Variants in MYO5B observed in about 807,000 individuals in gnomAD.
MYO5B encodes unconventional myosin-Vb.
Under a neutral mutation model 229.3 loss-of-function variants are expected in MYO5B, and 143 were observed. The ratio of observed to expected loss-of-function variants is 0.62; its 90% CI spans 0.54 to 0.72. MYO5B has a LOEUF of 0.72. MYO5B is among the 30% of genes least tolerant of loss of function. The pLI, the probability that MYO5B is intolerant of heterozygous loss-of-function variation, is 0.00. For synonymous variants in MYO5B, 918 were observed against 885.2 expected, an observed-to-expected ratio of 1.04 and a Z score of -0.66; for missense variants, 2,321 against 2,331.0, an observed-to-expected ratio of 1.00 and a Z score of 0.09.
intron 14 of MYO5B, among the ~76,000 whole-genome samples, chr18:49,940,332 G>A (rs1163643043): frequency 6.6e-6 from 1 of 152,168 alleles, no homozygotes; most frequent in Non-Finnish European, 1.5e-5. Flanking sequence ...ACATTACAGT[G>A]TCCAGACAGA....
At chr18:50,053,033 G>A (rs1203505592) in intron 2 of MYO5B, among the ~76,000 whole-genome samples, 1 of 152,194 alleles carries the variant, frequency 6.6e-6, no homozygotes, top group Non-Finnish European at 1.5e-5. Context: ...TTTCCAGCCA[G>A]CATAGTACAC....
intron 33 of MYO5B, among the ~76,000 whole-genome samples, chr18:49,846,277 T>C (rs2024124830): frequency 6.6e-6 from 1 of 152,210 alleles, no homozygotes; most frequent in African/African-American, 2.4e-5. Flanking sequence ...TCTTGTTATG[T>C]GCCTTGCAAT....
chr18:50,026,062 C>A (rs1417147968), intron 4 of MYO5B, among the ~76,000 whole-genome samples: 3 of 152,098 alleles, frequency 2.0e-5, no homozygotes, highest in African/African-American at 7.2e-5. Context: ...TCTAGTGAAT[C>A]ATCTTCCAAA....
intron 8 of MYO5B, among the ~76,000 whole-genome samples, chr18:49,981,884 G>A (rs928259755): frequency 4.6e-5 from 7 of 152,182 alleles, no homozygotes; most frequent in African/African-American, 1.7e-4. Flanking sequence ...AAAGCCAGAG[G>A]CTGGTATTCA....
intron 30 of MYO5B, among the ~76,000 whole-genome samples, chr18:49,855,459 G>A (rs987793745): frequency 1.3e-5 from 2 of 152,208 alleles, no homozygotes; most frequent in Non-Finnish European, 2.9e-5. Context: ...ATCTGCTGAT[G>A]GAGAGGCACG....
intron 1 of MYO5B, among the ~76,000 whole-genome samples, chr18:50,061,663 A>C (rs1332424789): frequency 6.6e-6 from 1 of 152,144 alleles, no homozygotes; most frequent in Non-Finnish European, 1.5e-5. Flanking sequence ...CCCATATCCC[A>C]CACTTGAATA....
chr18:49,834,742 C>T (rs7238547), intron 39 of MYO5B, among the ~76,000 whole-genome samples: 11,570 of 152,118 alleles, frequency 0.076, 920 homozygotes, highest in East Asian at 0.29. Context: ...AGGTTCACGC[C>T]ATTCTCCTGC....
chr18:50,017,623 T>C (rs564619106), intron 4 of MYO5B, among the ~76,000 whole-genome samples: 2 of 152,364 alleles, frequency 1.3e-5, no homozygotes, highest in Non-Finnish European at 2.9e-5. Flanking sequence ...GAAGCATTTA[T>C]GTGAGCATGT....
At chr18:49,984,928 A>C (rs2025855452) in intron 7 of MYO5B, 103 bp from the exon 8 acceptor site, 1 of 827,966 alleles carries the variant, frequency 1.2e-6, no homozygotes, top group Non-Finnish European at 2.1e-6. Context: ...ATCCCAGACT[A>C]AATTTTAGGC....
chr18:49,828,321 G>C (rs1424622628), intron 39 of MYO5B, among the ~76,000 whole-genome samples: 1 of 152,162 alleles, frequency 6.6e-6, no homozygotes, highest in Non-Finnish European at 1.5e-5. Context: ...AAGAATGAAG[G>C]AGAAATTAAG....
At chr18:49,958,381 A>C (rs1280099293) in intron 12 of MYO5B, among the ~76,000 whole-genome samples, 1 of 152,086 alleles carries the variant, frequency 6.6e-6, no homozygotes, top group African/African-American at 2.4e-5. Context: ...AGCCATTCCC[A>C]CCTTCCTCCA....
chr18:49,871,176 T>C (rs527971146), intron 27 of MYO5B, among the ~76,000 whole-genome samples: 1 of 152,168 alleles, frequency 6.6e-6, no homozygotes, highest in African/African-American at 2.4e-5. Flanking sequence ...ATAAGCCAAT[T>C]ACAAAAAACA....
intron 1 of MYO5B, among the ~76,000 whole-genome samples, chr18:50,102,191 T>C (rs2031668176): frequency 6.6e-6 from 1 of 151,416 alleles, no homozygotes; most frequent in Non-Finnish European, 1.5e-5. Flanking sequence ...TAAGTGGGGG[T>C]TGAACAACTA....
At chr18:49,959,804 A>G (rs1256694676) in intron 12 of MYO5B, among the ~76,000 whole-genome samples, 2 of 152,208 alleles carry the variant, frequency 1.3e-5, no homozygotes, top group Non-Finnish European at 2.9e-5. Context: ...AGAAGGCAGC[A>G]GGGGCTGGTG....
At position 50,194,805 on chromosome 18, in the gene MYO5B, G is replaced by A. The variant is rs1361659956; in HGVS notation, c.-12C>T. The A allele has an allele frequency of 2.2e-6, 3 of 1,347,676 alleles. No homozygotes were observed. Among genetic ancestry groups the A allele is most frequent in the African/African-American group, 3.1e-5 (2 of 65,408 alleles). The allele number at this position is 1,347,676 out of a possible 1,614,324, so 83.5% of individuals were successfully genotyped here. A position where few individuals can be genotyped will look rare whatever the true frequency, so the allele number is the denominator to read the frequency against. Reference sequence around the variant, plus strand: ...TCGCCCACCGACATGGCCCGGGCCGGGCGGGGCTCGGGCCCCGGCTCCTGG... The same window carrying A: ...TCGCCCACCGACATGGCCCGGGCCGAGCGGGGCTCGGGCCCCGGCTCCTGG... On this transcript the variant is annotated 5_prime_UTR_variant, in exon 1 of 40. Coordinates refer to ENST00000285039, the MANE Select transcript of MYO5B (RefSeq NM_001080467.3).
chr18:50,066,805 T>C (rs1301443413), intron 1 of MYO5B, among the ~76,000 whole-genome samples: 1 of 152,174 alleles, frequency 6.6e-6, no homozygotes, highest in Non-Finnish European at 1.5e-5. Context: ...GCAGACACTA[T>C]CAATAATACA....
chr18:49,975,932 A>G (rs1428475245), intron 9 of MYO5B, among the ~76,000 whole-genome samples: 2 of 152,348 alleles, frequency 1.3e-5, no homozygotes, highest in Middle Eastern at 3.4e-3. Context: ...CTGGAAAGCC[A>G]CATTTCCCAC....
intron 14 of MYO5B, among the ~76,000 whole-genome samples, chr18:49,937,799 G>C (rs925208407): frequency 1.3e-5 from 2 of 151,734 alleles, no homozygotes; most frequent in African/African-American, 4.8e-5. Flanking sequence ...TAGGTTATTG[G>C]TTGCTAGGGG....
chr18:50,172,288 CA>C (rs55973734), intron 1 of MYO5B, among the ~76,000 whole-genome samples: 39,678 of 90,566 alleles, frequency 0.44, 5,906 homozygotes, highest in South Asian at 0.51. Flanking sequence ...CAAAAAAAGA[CA>C]AAAAAAAAAA....
Sources: allele counts gnomAD v4.1 joint callset (sites outside exome capture counted in the v4.1 genomes callset), GRCh38; gene constraint gnomAD v4.1.1; transcripts MANE v1.5; gene names NCBI Gene and HGNC (gene_info 2026-07-23, HGNC 2026-07-21).